DGKD: variants seen among roughly 807,000 people sequenced by gnomAD.
DGKD encodes the protein diacylglycerol kinase delta.
Under a neutral mutation model 154.4 loss-of-function variants are expected in DGKD, and 68 were observed. That is an observed-to-expected ratio of 0.44 (90% confidence interval 0.36 to 0.54). The LOEUF (loss-of-function observed/expected upper bound fraction) is 0.54, where lower values mean the gene tolerates loss of function less well. DGKD is among the 20% of genes least tolerant of loss of function. The probability of loss-of-function intolerance (pLI) is 0.00; values close to 1 mark genes in which losing one functional copy is unlikely to be tolerated. For missense variants in DGKD, 1,343 were observed against 1,593.6 expected, an observed-to-expected ratio of 0.84 and a Z score of 2.68; for synonymous variants, 693 against 638.0, an observed-to-expected ratio of 1.09 and a Z score of -1.30.
chr2:233,459,972 C>T lies in DGKD; in HGVS notation c.2829+81C>T, dbSNP rs1398293551. 3.3e-6 allele frequency: 5 copies of T among 1,504,024 alleles called. No homozygotes were observed. The highest frequency in any genetic ancestry group is 1.4e-5 in the African/African-American group (1 of 69,604). 93.2% of individuals were successfully genotyped at this position (1,504,024 alleles called of 1,614,324 possible). A position where few individuals can be genotyped will look rare whatever the true frequency, so the allele number is the denominator to read the frequency against. Reference sequence around the variant, plus strand: ...TTGTGTGCACTGTTAAGAGCTGGAGCTTTTTGTGTTTTGTTCTAGGATTTT... The same window carrying T: ...TTGTGTGCACTGTTAAGAGCTGGAGTTTTTTGTGTTTTGTTCTAGGATTTT... On this transcript the variant is annotated intron_variant, in intron 23 of 29. Transcript: ENST00000264057. The surrounding 1 kb of genome is among the most constrained non-coding windows in gnomAD (Gnocchi z 5.7).
At chr2:233,427,421 A>G (rs761787510) in intron 3 of DGKD, among the ~76,000 whole-genome samples, 101 of 144,588 alleles carry the variant, frequency 7.0e-4, no homozygotes, top group African/African-American at 2.5e-3. Flanking sequence ...GCTCACTGCA[A>G]CCTCCGCCTC....
chr2:233,388,197 C>A (rs527423610), intron 1 of DGKD, 60 bp from the exon 2 acceptor site: 10 of 1,583,344 alleles, frequency 6.3e-6, no homozygotes, highest in Non-Finnish European at 2.6e-6. Flanking sequence ...GCGTTTCAGC[C>A]GGAAGAGTGA....
intron 3 of DGKD, among the ~76,000 whole-genome samples, chr2:233,399,143 C>T (rs1205239937): frequency 6.6e-6 from 1 of 152,258 alleles, no homozygotes; most frequent in African/African-American, 2.4e-5. Flanking sequence ...GCTTTATTCT[C>T]ACCCTCCCTG....
chr2:233,455,358 G>A (rs1388233670), intron 19 of DGKD, among the ~76,000 whole-genome samples: 1 of 152,174 alleles, frequency 6.6e-6, no homozygotes, highest in East Asian at 1.9e-4. Context: ...ATCACTGGGG[G>A]TTTCAGTTTT....
intron 1 of DGKD, among the ~76,000 whole-genome samples, chr2:233,383,590 G>T: frequency 6.6e-6 from 1 of 152,246 alleles, no homozygotes; most frequent in South Asian, 2.1e-4. Context: ...TCTGCTGGAC[G>T]TTTTGAAGTT....
chr2:233,448,890 G>C (rs527879040), intron 14 of DGKD, among the ~76,000 whole-genome samples: 1 of 152,350 alleles, frequency 6.6e-6, no homozygotes, highest in East Asian at 1.9e-4. Context: ...GTTGTGGACA[G>C]CCAATTTCCC....
rs777129022 is a variant in DGKD at position 233,459,969 on chromosome 2, G to A, written c.2829+78G>A. ...CTCTTGTGTGCACTGTTAAGAGCTG[G>A]AGCTTTTTGTGTTTTGTTCTAGGAT... On this transcript the variant is annotated intron_variant, in intron 23 of 29. Transcript: ENST00000264057. The surrounding 1 kb of genome is among the most constrained non-coding windows in gnomAD (Gnocchi z 5.7). 2 of 1,517,132 alleles carry A rather than the reference G, an allele frequency of 1.3e-6. No homozygotes were observed. The highest frequency in any genetic ancestry group is 1.8e-6 in the Non-Finnish European group (2 of 1,136,290). The allele number at this position is 1,517,132 out of a possible 1,614,324, so 94.0% of individuals were successfully genotyped here.
At chr2:233,364,005 G>A (rs143915154) in intron 1 of DGKD, among the ~76,000 whole-genome samples, 142 of 152,304 alleles carry the variant, frequency 9.3e-4, no homozygotes, top group African/African-American at 3.2e-3. Context: ...CATAGATGAA[G>A]AGAAAGAGAG....
chr2:233,447,733 T>C, intron 12 of DGKD: 1 of 1,106,318 alleles, frequency 9.0e-7, no homozygotes, highest in South Asian at 2.4e-5. Context: ...CAGCCTCTGC[T>C]GCAAACGGAC....
intron 1 of DGKD, among the ~76,000 whole-genome samples, chr2:233,358,952 G>A (rs958395131): frequency 3.3e-5 from 5 of 152,164 alleles, no homozygotes; most frequent in African/African-American, 1.2e-4. Context: ...TAATACTACC[G>A]GACTATTTTC....
Position 233,457,556 on chromosome 2 carries a change from A to C in DGKD, c.2580+228A>C. 1.5e-6 allele frequency: 1 copy of C among 646,188 alleles called. No homozygotes were observed. The highest frequency in any genetic ancestry group is 2.9e-6 in the Non-Finnish European group (1 of 348,240). 40.0% of individuals were successfully genotyped at this position (646,188 alleles called of 1,614,324 possible). On this transcript the variant is annotated intron_variant, in intron 21 of 29. Transcript: ENST00000264057. This position sits in a 1 kb window ranked among gnomAD's most constrained non-coding sequence, Gnocchi z 5.5. ...TGGTCAGTGAGGGTCTGTGGTCAGC[A>C]GATGTGGTCAGCGGGTGTGACGTGG... is the stretch of plus-strand genomic sequence containing the variant.
chr2:233,428,083 G>C (rs1480753199), intron 3 of DGKD, among the ~76,000 whole-genome samples: 4 of 152,202 alleles, frequency 2.6e-5, no homozygotes, highest in Non-Finnish European at 5.9e-5. Context: ...TCCCCTACCA[G>C]AGGTTGGGCT....
At chr2:233,407,641 C>G (rs1265310513) in intron 3 of DGKD, among the ~76,000 whole-genome samples, 1 of 152,170 alleles carries the variant, frequency 6.6e-6, no homozygotes, top group East Asian at 1.9e-4. Flanking sequence ...GAGGCATGCA[C>G]CTGTAGTCCC....
intron 3 of DGKD, among the ~76,000 whole-genome samples, chr2:233,400,389 G>T (rs1199033220): frequency 6.6e-6 from 1 of 152,150 alleles, no homozygotes; most frequent in Non-Finnish European, 1.5e-5. Flanking sequence ...GATGCAGGGT[G>T]GCCATTTCCA....
At chr2:233,390,627 C>A in intron 3 of DGKD, 144 bp downstream of exon 3, 1 of 647,238 alleles carries the variant, frequency 1.5e-6, no homozygotes, top group Non-Finnish European at 2.6e-6. Context: ...GAATTTAATG[C>A]TGAAAGTAAT....
intron 28 of DGKD, 80 bp from the exon 29 acceptor site, chr2:233,468,343 G>T: frequency 1.3e-6 from 2 of 1,562,610 alleles, no homozygotes; most frequent in Non-Finnish European, 1.7e-6. Flanking sequence ...CTGGGCTCTC[G>T]GGTGCTGGGT....
intron 16 of DGKD, among the ~76,000 whole-genome samples, chr2:233,450,530 A>G (rs999737268): frequency 6.6e-6 from 1 of 152,028 alleles, no homozygotes; most frequent in African/African-American, 2.4e-5. Flanking sequence ...GGAACAGCCC[A>G]CAGCGCAGGC....
intron 1 of DGKD, among the ~76,000 whole-genome samples, chr2:233,357,544 T>C (rs1701584141): frequency 1.3e-5 from 2 of 149,958 alleles, no homozygotes; most frequent in South Asian, 4.2e-4. Context: ...TTTCTTTTTT[T>C]TTTTTTTTTT....
chr2:233,446,756 C>T lies in DGKD; in HGVS notation c.1379C>T (p.Ser460Phe), dbSNP rs375904433. 2.7e-5 allele frequency: 43 copies of T among 1,614,120 alleles called. No individual in the cohort carries two copies. The highest frequency in any genetic ancestry group is 3.6e-5 in the Non-Finnish European group (42 of 1,180,052). Residue 460 changes from serine (S) to phenylalanine (F), a missense_variant, in exon 12 of 30, where the codon TCC becomes TTC. Ser to Phe is a radical substitution (Grantham distance 155). Around this residue, in one of 6 missense-constraint regions of DGKD, gnomAD observed 409 missense variants for 446.0 expected, o/e 0.92. Coordinates refer to ENST00000264057, the MANE Select transcript of DGKD (RefSeq NM_152879.3). ...GAGGCCAAGCTCCCCCGGCAGGCCT[C>T]CTCCTCTACCGTCACCGAAGACTTC... ...AYEAKLPRQA[S>F]SSTVTEDFSE...
Sources: allele counts gnomAD v4.1 joint callset (sites outside exome capture counted in the v4.1 genomes callset), GRCh38; gene constraint gnomAD v4.1.1; regional missense constraint gnomAD v4.1.1; non-coding constraint Gnocchi (gnomAD v3.1); transcripts MANE v1.5; gene names NCBI Gene and HGNC (gene_info 2026-07-23, HGNC 2026-07-21).